The following QTMAN variants were observed in gnomAD, a reference collection of about 807,000 sequenced individuals.
QTMAN encodes the protein tRNA-queuosine alpha-mannosyltransferase.
At chr2:144,098,943 A>G in the QTMAN span, among the ~76,000 whole-genome samples, 6 of 152,020 alleles carry the variant, frequency 3.9e-5, no homozygotes, top group Admixed American at 6.6e-5. Flanking sequence ...TGTTTTACAC[A>G]TTGCTTGCTC....
At chr2:143,961,082 T>C in the QTMAN span, among the ~76,000 whole-genome samples, 643 of 152,264 alleles carry the variant, frequency 4.2e-3, 7 homozygotes, top group African/African-American at 0.014. Context: ...CCCTGAGCCT[T>C]ATAAATTCCA....
At chr2:144,224,209 TTC>T in the QTMAN span, among the ~76,000 whole-genome samples, 2 of 152,230 alleles carry the variant, frequency 1.3e-5, no homozygotes, top group East Asian at 3.8e-4. Flanking sequence ...GAAAATAGAA[TTC>T]TTTTTTATTT....
the QTMAN span, among the ~76,000 whole-genome samples, chr2:144,016,785 T>C: frequency 6.6e-6 from 1 of 152,180 alleles, no homozygotes; most frequent in Non-Finnish European, 1.5e-5. Flanking sequence ...TGACATGATT[T>C]TACTGAATAC....
the QTMAN span, among the ~76,000 whole-genome samples, chr2:144,122,449 A>G: frequency 6.6e-6 from 1 of 152,198 alleles, no homozygotes; most frequent in South Asian, 2.1e-4. Flanking sequence ...GCTGGAGTCA[A>G]GAAAAAACAC....
the QTMAN span, among the ~76,000 whole-genome samples, chr2:143,961,118 T>C: frequency 6.6e-6 from 1 of 152,164 alleles, no homozygotes; most frequent in Non-Finnish European, 1.5e-5. Flanking sequence ...CATGGCAGCA[T>C]ATATCTGATG....
chr2:144,116,778 T>C, the QTMAN span, among the ~76,000 whole-genome samples: 11 of 152,322 alleles, frequency 7.2e-5, no homozygotes, highest in East Asian at 1.9e-3. Context: ...ATGAGGCTAA[T>C]AGGGAAAACA....
the QTMAN span, among the ~76,000 whole-genome samples, chr2:144,203,592 T>A: frequency 1.6e-3 from 238 of 152,224 alleles, no homozygotes; most frequent in Non-Finnish European, 2.8e-3. Flanking sequence ...AAAATTCAAA[T>A]GAACTGTGAC....
At chr2:144,066,162 T>G in the QTMAN span, among the ~76,000 whole-genome samples, 2 of 152,248 alleles carry the variant, frequency 1.3e-5, no homozygotes, top group African/African-American at 4.8e-5. Context: ...CTTTTCTTTT[T>G]TTTTCTTTTT....
the QTMAN span, among the ~76,000 whole-genome samples, chr2:144,327,190 G>A: frequency 3.9e-5 from 6 of 152,138 alleles, no homozygotes; most frequent in East Asian, 9.6e-4. Context: ...GAGGTTCCTG[G>A]AGAGAGATGC....
chr2:144,269,434 T>C, the QTMAN span, among the ~76,000 whole-genome samples: 1 of 152,118 alleles, frequency 6.6e-6, no homozygotes, highest in Admixed American at 6.5e-5. Context: ...GTGAATGATA[T>C]CGTTAATTTT....
chr2:144,013,292 C>G, the QTMAN span, among the ~76,000 whole-genome samples: 38 of 152,178 alleles, frequency 2.5e-4, no homozygotes, highest in Non-Finnish European at 3.1e-4. Flanking sequence ...AGAAACCTGT[C>G]CACCTCCTCC....
chr2:144,331,823 T>C, the QTMAN span, among the ~76,000 whole-genome samples: 355 of 152,150 alleles, frequency 2.3e-3, 2 homozygotes, highest in African/African-American at 7.1e-3. Context: ...GGGGGCACAG[T>C]GAGGGTCTTC....
At chr2:143,986,960 A>T in the QTMAN span, among the ~76,000 whole-genome samples, 1 of 152,218 alleles carries the variant, frequency 6.6e-6, no homozygotes, top group African/African-American at 2.4e-5. Context: ...AGTTTTGGGC[A>T]CCTGGACTAG....
the QTMAN span, among the ~76,000 whole-genome samples, chr2:144,311,437 A>G: frequency 6.6e-6 from 1 of 152,236 alleles, no homozygotes; most frequent in Non-Finnish European, 1.5e-5. Flanking sequence ...TGCACGCTAT[A>G]GCTCATAAAG....
the QTMAN span, among the ~76,000 whole-genome samples, chr2:144,073,674 A>C: frequency 2.0e-5 from 3 of 152,348 alleles, no homozygotes; most frequent in African/African-American, 4.8e-5. Flanking sequence ...ATGTTTGCTT[A>C]GCTAAATAAC....
the QTMAN span, among the ~76,000 whole-genome samples, chr2:144,260,561 C>T: frequency 2.0e-5 from 3 of 151,864 alleles, no homozygotes; most frequent in South Asian, 2.1e-4. Context: ...ATCATACATG[C>T]CCCCACATAT....
the QTMAN span, chr2:144,208,690 T>C: frequency 2.5e-6 from 4 of 1,613,862 alleles, no homozygotes; most frequent in Non-Finnish European, 3.4e-6. Context: ...AGGAAGGGTA[T>C]AAACGACACA....
At chr2:143,972,106 C>T in the QTMAN span, among the ~76,000 whole-genome samples, 9 of 152,086 alleles carry the variant, frequency 5.9e-5, no homozygotes, top group Non-Finnish European at 1.3e-4. Context: ...ATGTATTTTA[C>T]ATACATGTAC....
chr2:144,208,708 A>C, the QTMAN span: 8 of 1,613,598 alleles, frequency 5.0e-6, no homozygotes, highest in East Asian at 1.8e-4. Context: ...ACAGTCTCCT[A>C]ACTCTTCTTG....
Sources: allele counts gnomAD v4.1 joint callset (sites outside exome capture counted in the v4.1 genomes callset), GRCh38; gene constraint gnomAD v4.1.1; transcripts MANE v1.5; gene names NCBI Gene and HGNC (gene_info 2026-07-23, HGNC 2026-07-21).